Variants in DLG2 observed in about 807,000 individuals in gnomAD.
DLG2 encodes disks large homolog 2.
Under a neutral mutation model 132.5 loss-of-function variants are expected in DLG2, and 45 were observed. The ratio of observed to expected loss-of-function variants is 0.34; its 90% CI spans 0.27 to 0.44. The LOEUF is 0.44. Ranked by LOEUF, DLG2 falls within the 20% of genes least tolerant of loss-of-function variation. The pLI, the probability that DLG2 is intolerant of heterozygous loss-of-function variation, is 1.00. For synonymous variants in DLG2, 424 were observed against 419.6 expected (o/e 1.01, Z -0.13); for missense variants, 1,045 against 1,196.9 (o/e 0.87, Z 1.87).
intron 15 of DLG2, among the ~76,000 whole-genome samples, chr11:83,915,990 C>T (rs2076858944): frequency 6.6e-6 from 1 of 152,184 alleles, no homozygotes; most frequent in Admixed American, 6.5e-5. Flanking sequence ...TGGAATCATG[C>T]AAGGTGTGGC....
intron 6 of DLG2, among the ~76,000 whole-genome samples, chr11:85,017,841 C>T (rs1312932776): frequency 1.3e-5 from 2 of 152,074 alleles, no homozygotes; most frequent in Admixed American, 6.6e-5. Flanking sequence ...GGGTCATCAC[C>T]GTCATCTGTT....
intron 18 of DLG2, among the ~76,000 whole-genome samples, chr11:83,759,061 T>C (rs1056518847): frequency 2.0e-5 from 3 of 152,190 alleles, no homozygotes; most frequent in Non-Finnish European, 2.9e-5. Flanking sequence ...ATATCTAATA[T>C]ATTTCAGACA....
intron 3 of DLG2, among the ~76,000 whole-genome samples, chr11:85,578,236 T>A (rs932801904): frequency 3.3e-5 from 5 of 152,016 alleles, no homozygotes; most frequent in African/African-American, 1.2e-4. Flanking sequence ...ATACAAAAAT[T>A]AACTCAAGAT....
Position 83,502,304 on chromosome 11 carries a change from G to A in DLG2, c.2194-18076C>T, listed in dbSNP as rs1218212542. On this transcript the variant is annotated intron_variant, in intron 21 of 27. Coordinates refer to ENST00000376104, the MANE Select transcript of DLG2 (RefSeq NM_001142699.3). ...CCAAGCAGTTTGGCTCCAGAGTTGCGCTCTTATCTATTATACGATACTACC... is the reference window on the plus strand; with the variant it reads ...CCAAGCAGTTTGGCTCCAGAGTTGCACTCTTATCTATTATACGATACTACC... 3.9e-5 allele frequency among the ~76,000 whole-genome samples: 6 copies of A among 152,030 alleles called. No individual in the cohort carries two copies. In the South Asian group the frequency reaches 1.2e-3, roughly 32 times the overall value.
At chr11:85,191,514 G>A (rs1363065198) in intron 4 of DLG2, among the ~76,000 whole-genome samples, 2 of 152,062 alleles carry the variant, frequency 1.3e-5, no homozygotes, top group Non-Finnish European at 2.9e-5. Flanking sequence ...AAAATTTACT[G>A]ACACGCTCTC....
At chr11:83,485,113 A>G (rs1391493974) in intron 21 of DLG2, among the ~76,000 whole-genome samples, 6 of 136,848 alleles carry the variant, frequency 4.4e-5, no homozygotes, top group African/African-American at 7.5e-5. Context: ...CTAGATTCTG[A>G]TCAGGTAAAA....
intron 11 of DLG2, among the ~76,000 whole-genome samples, chr11:83,997,301 A>G (rs1201975238): frequency 6.6e-6 from 1 of 152,132 alleles, no homozygotes; most frequent in Non-Finnish European, 1.5e-5. Flanking sequence ...TTTTCTTTCT[A>G]CAAACCTCAC....
intron 3 of DLG2, among the ~76,000 whole-genome samples, chr11:85,334,825 G>T (rs1304236013): frequency 1.3e-5 from 2 of 152,134 alleles, no homozygotes; most frequent in Non-Finnish European, 2.9e-5. Flanking sequence ...AAATTGTAGA[G>T]AACTGCTTTA....
chr11:84,392,450 T>C (rs567745389), intron 7 of DLG2, among the ~76,000 whole-genome samples: 31 of 152,294 alleles, frequency 2.0e-4, no homozygotes, highest in African/African-American at 7.5e-4. Context: ...CCAATGGTCT[T>C]AGAGGTGTAG....
chr11:85,012,388 G>A (rs1162090004), intron 6 of DLG2, among the ~76,000 whole-genome samples: 1 of 148,900 alleles, frequency 6.7e-6, no homozygotes, highest in Non-Finnish European at 1.5e-5. Flanking sequence ...GCTGGGTGTG[G>A]TGGTACATGC....
chr11:85,449,421 ATCT>A (rs1203586076), intron 3 of DLG2, among the ~76,000 whole-genome samples: 27 of 151,736 alleles, frequency 1.8e-4, no homozygotes, highest in African/African-American at 2.7e-4. Context: ...CTTTTGTATA[ATCT>A]TCTTTTTAAC....
rs568056043 is a variant in DLG2, at chr11:84,954,475, C to T, written c.357+157186G>A. Among the ~76,000 whole-genome samples, 15 of 152,154 alleles carry T rather than the reference C, an allele frequency of 9.9e-5. No homozygotes were observed. The South Asian group carries it at 3.1e-3, about 32-fold the overall frequency. Reference sequence around the variant, plus strand: ...CGTTCCTTTTATTCATTCAGTGAATCTTTAGTAAGCACTTACTTTGGGCAA... The same window carrying T: ...CGTTCCTTTTATTCATTCAGTGAATTTTTAGTAAGCACTTACTTTGGGCAA... On this transcript the variant is annotated intron_variant, in intron 6 of 27. Coordinates refer to ENST00000376104, the MANE Select transcript of DLG2 (RefSeq NM_001142699.3).
intron 3 of DLG2, among the ~76,000 whole-genome samples, chr11:85,288,531 G>A (rs2078699199): frequency 6.6e-6 from 1 of 152,064 alleles, no homozygotes; most frequent in African/African-American, 2.4e-5. Context: ...GCATGGTGGT[G>A]TGTGCCTGTG....
intron 19 of DLG2, among the ~76,000 whole-genome samples, chr11:83,629,287 A>C (rs1431325573): frequency 6.6e-6 from 1 of 152,176 alleles, no homozygotes; most frequent in East Asian, 1.9e-4. Flanking sequence ...CACTCAAAAA[A>C]TGTTTGATGA....
chr11:83,774,136 A>C (rs1290045004), intron 18 of DLG2, among the ~76,000 whole-genome samples: 1 of 152,162 alleles, frequency 6.6e-6, no homozygotes, highest in Admixed American at 6.5e-5. Flanking sequence ...GACTCTTCAG[A>C]GGACAGTTTA....
At chr11:83,579,081 T>C (rs1300622176) in intron 19 of DLG2, among the ~76,000 whole-genome samples, 2 of 152,216 alleles carry the variant, frequency 1.3e-5, no homozygotes, top group Non-Finnish European at 1.5e-5. Context: ...AGCTCCCTGG[T>C]AGGGAAGAGG....
chr11:84,777,250 A>AT (rs140207742), intron 6 of DLG2, among the ~76,000 whole-genome samples: 138,483 of 138,508 alleles, frequency 1, 69,229 homozygotes, highest in Middle Eastern at 1. Flanking sequence ...TCTAAATAGT[A>AT]TCCATTGTGT....
intron 2 of DLG2, among the ~76,000 whole-genome samples, chr11:85,603,045 T>C (rs1463465692): frequency 6.6e-6 from 1 of 152,182 alleles, no homozygotes; most frequent in Non-Finnish European, 1.5e-5. Context: ...TCCTCTTCTA[T>C]CTAGTAAGAT....
chr11:84,118,822 T>C (rs546159997), intron 9 of DLG2, among the ~76,000 whole-genome samples: 2 of 152,314 alleles, frequency 1.3e-5, no homozygotes, highest in South Asian at 2.1e-4. Context: ...AGTATCTTCC[T>C]ACACTGAAGT....
Sources: allele counts gnomAD v4.1 joint callset (sites outside exome capture counted in the v4.1 genomes callset), GRCh38; gene constraint gnomAD v4.1.1; transcripts MANE v1.5; gene names NCBI Gene and HGNC (gene_info 2026-07-23, HGNC 2026-07-21).